Variants in CCDC7 observed in about 807,000 individuals in gnomAD.
CCDC7 encodes the protein coiled-coil domain-containing protein 7.
Under a neutral mutation model 196.9 loss-of-function variants are expected in CCDC7, and 183 were observed. The ratio of observed to expected loss-of-function variants is 0.93; its 90% CI spans 0.82 to 1.05. CCDC7 has a LOEUF of 1.05. CCDC7 is among the 50% of genes least tolerant of loss of function. CCDC7 has a pLI of 0.00. For missense variants in CCDC7, 1,540 were observed against 1,482.2 expected, an observed-to-expected ratio of 1.04 and a Z score of -0.64; for synonymous variants, 525 against 484.6, an observed-to-expected ratio of 1.08 and a Z score of -1.10.
chr10:32,687,784 T>C (rs1016136256), intron 22 of CCDC7, among the ~76,000 whole-genome samples: 16 of 152,326 alleles, frequency 1.1e-4, no homozygotes, highest in Admixed American at 2.0e-4. Context: ...ACACAGACCA[T>C]GTTCTCTGAT....
intron 28 of CCDC7, among the ~76,000 whole-genome samples, chr10:32,758,957 A>T (rs113927288): frequency 1.5e-4 from 23 of 152,124 alleles, no homozygotes; most frequent in African/African-American, 5.6e-4. Flanking sequence ...CCAATAGCAG[A>T]CAGAGAGCCA....
intron 8 of CCDC7, among the ~76,000 whole-genome samples, chr10:32,491,657 T>C (rs2042170450): frequency 6.6e-6 from 1 of 152,194 alleles, no homozygotes; most frequent in South Asian, 2.1e-4. Flanking sequence ...GAGCCTGAAC[T>C]TCTTTATTTG....
chr10:32,477,962 C>G (rs2039314432), intron 8 of CCDC7, among the ~76,000 whole-genome samples: 1 of 152,112 alleles, frequency 6.6e-6, no homozygotes, highest in Admixed American at 6.5e-5. Context: ...ATCTTTCATT[C>G]TATGAACTTG....
chr10:32,828,584 G>A (rs1381096747), intron 32 of CCDC7, among the ~76,000 whole-genome samples: 1 of 151,420 alleles, frequency 6.6e-6, no homozygotes, highest in East Asian at 1.9e-4. Flanking sequence ...GAGCAGCAGT[G>A]GACTCATGCT....
chr10:32,705,226 T>C (rs2079506815), intron 24 of CCDC7, among the ~76,000 whole-genome samples: 1 of 152,064 alleles, frequency 6.6e-6, no homozygotes, highest in Admixed American at 6.5e-5. Context: ...CTAAGCTTCA[T>C]AAGTGAAGGA....
intron 8 of CCDC7, among the ~76,000 whole-genome samples, chr10:32,482,790 T>C (rs1440297724): frequency 2.0e-5 from 3 of 152,260 alleles, no homozygotes; most frequent in Non-Finnish European, 2.9e-5. Context: ...AGAATGATGG[T>C]TTCCAGCTTC....
chr10:32,743,425 A>C (rs1276196734), intron 28 of CCDC7, among the ~76,000 whole-genome samples: 2 of 152,092 alleles, frequency 1.3e-5, no homozygotes, highest in Non-Finnish European at 2.9e-5. Context: ...CCCATTTGTC[A>C]ATTTTGGCTT....
intron 26 of CCDC7, among the ~76,000 whole-genome samples, chr10:32,727,535 A>G (rs2083303285): frequency 6.6e-6 from 1 of 152,062 alleles, no homozygotes; most frequent in Non-Finnish European, 1.5e-5. Flanking sequence ...AGGGTCTTCA[A>G]TGTGCTGACC....
rs560779316 is a variant in CCDC7, at chr10:32,556,324, A to G, written c.1135-9234A>G. 5.3e-5 allele frequency among the ~76,000 whole-genome samples: 8 copies of G among 152,368 alleles called. 1 individual carries two copies. Among genetic ancestry groups the G allele is most frequent in the Admixed American group, 5.2e-4 (8 of 15,298 alleles). ...TTCAATGGCTTAAACAAGGTAGAATATCATTTTTATCTCATGTAAAGTTTG... is the reference window on the plus strand; with the variant it reads ...TTCAATGGCTTAAACAAGGTAGAATGTCATTTTTATCTCATGTAAAGTTTG... On this transcript the variant is annotated intron_variant, in intron 13 of 41. Coordinates refer to ENST00000639629, the Ensembl canonical transcript of CCDC7.
intron 23 of CCDC7, among the ~76,000 whole-genome samples, chr10:32,689,891 C>A (rs538894794): frequency 1.3e-5 from 2 of 152,248 alleles, no homozygotes. Context: ...CACACCACCA[C>A]GTCTGCCTAA....
Position 32,854,670 on chromosome 10 carries a change from G to C in CCDC7, c.4111+181G>C, listed in dbSNP as rs141434916. 2.4e-3 allele frequency among the ~76,000 whole-genome samples: 359 copies of C among 152,264 alleles called. 2 individuals are homozygous for C. The highest frequency in any genetic ancestry group is 8.2e-3 in the African/African-American group (341 of 41,562). ...AAAATATATATGTAAACAGTGGTTT[G>C]TGGTTCTGAATAACCACAGGCTTAT... On this transcript the variant is annotated intron_variant, in intron 41 of 41. Transcript: ENST00000639629.
chr10:32,764,354 C>G (rs1288166277), intron 28 of CCDC7, among the ~76,000 whole-genome samples: 1 of 151,638 alleles, frequency 6.6e-6, no homozygotes, highest in Non-Finnish European at 1.5e-5. Context: ...AGACAGAAAT[C>G]AGGGGAATAT....
intron 31 of CCDC7, among the ~76,000 whole-genome samples, chr10:32,820,014 G>T (rs1005868806): frequency 6.6e-6 from 1 of 152,190 alleles, no homozygotes; most frequent in Non-Finnish European, 1.5e-5. Context: ...TAGGAAAAGA[G>T]GAAGTCACAT....
intron 32 of CCDC7, among the ~76,000 whole-genome samples, chr10:32,831,978 A>G (rs1184972719): frequency 6.6e-6 from 1 of 152,230 alleles, no homozygotes. Flanking sequence ...ATCTGGCAGC[A>G]GAGTAGGTTT....
chr10:32,798,937 G>A (rs940999860), intron 29 of CCDC7, among the ~76,000 whole-genome samples: 1 of 152,198 alleles, frequency 6.6e-6, no homozygotes. Context: ...CACTGGTGCA[G>A]GCTAGGGGAG....
At chr10:32,667,449 C>T (rs2073035955) in intron 21 of CCDC7, among the ~76,000 whole-genome samples, 1 of 152,148 alleles carries the variant, frequency 6.6e-6, no homozygotes, top group African/African-American at 2.4e-5. Flanking sequence ...TTACCCATGC[C>T]TATGTCCTGA....
At position 32,711,604 on chromosome 10, in the gene CCDC7, T is replaced by A. The variant is rs200302444; in HGVS notation, c.2459-16T>A. ...TTGTTTTTCTAGTAAGGGACTAAAT[T>A]TCTCTCTTAACATAGCTCATGATGA... On this transcript the variant is annotated splice_polypyrimidine_tract_variant and intron_variant, in intron 24 of 41. Coordinates refer to ENST00000639629, the Ensembl canonical transcript of CCDC7. 183 of 1,492,424 alleles carry A rather than the reference T, an allele frequency of 1.2e-4. No individual in the cohort carries two copies. The highest frequency in any genetic ancestry group is 1.6e-4 in the Non-Finnish European group (171 of 1,095,344). 92.4% of individuals were successfully genotyped at this position (1,492,424 alleles called of 1,614,324 possible).
intron 18 of CCDC7, among the ~76,000 whole-genome samples, chr10:32,608,513 T>C (rs116976431): frequency 0.041 from 6,309 of 152,154 alleles, 131 homozygotes; most frequent in Middle Eastern, 0.065. Flanking sequence ...TTCTATTGTT[T>C]TATGATTTTT....
At chr10:32,877,127 G>A (rs868775577), downstream of CCDC7, 73 of 151,866 alleles carry the variant, frequency 4.8e-4, no homozygotes, top group African/African-American at 1.4e-3. Flanking sequence ...AAAATAAAGT[G>A]AAATAAAATG....
Sources: allele counts gnomAD v4.1 joint callset (sites outside exome capture counted in the v4.1 genomes callset), GRCh38; gene constraint gnomAD v4.1.1; transcripts MANE v1.5; gene names NCBI Gene and HGNC (gene_info 2026-07-23, HGNC 2026-07-21).